Variants in PIP4K2A observed in about 807,000 individuals in gnomAD.
PIP4K2A encodes the protein phosphatidylinositol 5-phosphate 4-kinase type-2 alpha.
In PIP4K2A, 14 loss-of-function variants were observed where a neutral mutation model predicts 42.9. That is an observed-to-expected ratio of 0.33 (90% CI 0.22 to 0.51). PIP4K2A has a LOEUF of 0.51. Ranked by LOEUF, PIP4K2A falls within the 20% of genes least tolerant of loss-of-function variation. The pLI is 0.97. For synonymous variants in PIP4K2A, 192 were observed against 192.2 expected (o/e 1.00, Z 0.01); for missense variants, 434 against 519.8 (o/e 0.83, Z 1.61).
chr10:22,556,871 G>C (rs1836564466), intron 6 of PIP4K2A, among the ~76,000 whole-genome samples: 1 of 152,110 alleles, frequency 6.6e-6, no homozygotes, highest in African/African-American at 2.4e-5. Flanking sequence ...TTAAAGCACA[G>C]CATCACAGGC....
At chr10:22,691,112 C>T (rs779130062) in intron 1 of PIP4K2A, among the ~76,000 whole-genome samples, 8 of 152,164 alleles carry the variant, frequency 5.3e-5, no homozygotes, top group Non-Finnish European at 7.3e-5. Context: ...GAGGTTCAGA[C>T]GGTGTGTGCC....
chr10:22,544,751 A>G (rs1023462957), intron 7 of PIP4K2A, among the ~76,000 whole-genome samples: 5 of 152,186 alleles, frequency 3.3e-5, no homozygotes, highest in African/African-American at 1.2e-4. Flanking sequence ...GGGCACAAAC[A>G]AAACTCACAT....
chr10:22,660,766 A>T (rs1449502372), intron 1 of PIP4K2A, among the ~76,000 whole-genome samples: 1 of 152,154 alleles, frequency 6.6e-6, no homozygotes, highest in Non-Finnish European at 1.5e-5. Context: ...ATCAATAAAT[A>T]ATCAATACAC....
At position 22,536,204 on chromosome 10, in the gene PIP4K2A, T is replaced by C. The variant is rs8341; in HGVS notation, c.*997A>G. The C allele has an allele frequency of 0.68, 269,783 of 398,010 alleles. 92,630 individuals carry two copies. The highest frequency in any genetic ancestry group is 0.83 in the African/African-American group (40,647 of 48,686). 24.7% of individuals were successfully genotyped at this position (398,010 alleles called of 1,614,324 possible). On this transcript the variant is annotated 3_prime_UTR_variant, in exon 10 of 10. Coordinates refer to ENST00000376573, the MANE Select transcript of PIP4K2A (RefSeq NM_005028.5). ...ACATCTTATAATTCAGATCTGCATT[T>C]GGTAACAGGAGAATTGAGAGTTTTG...
At chr10:22,585,743 G>A (rs1191201440) in intron 4 of PIP4K2A, among the ~76,000 whole-genome samples, 1 of 151,950 alleles carries the variant, frequency 6.6e-6, no homozygotes, top group Non-Finnish European at 1.5e-5. Context: ...TGGGACTACA[G>A]GCATACACCC....
chr10:22,642,248 T>C (rs1261817308), intron 1 of PIP4K2A, among the ~76,000 whole-genome samples: 1 of 152,158 alleles, frequency 6.6e-6, no homozygotes, highest in Admixed American at 6.5e-5. Context: ...TAGTCTGAAT[T>C]GGGTTTCTGT....
At chr10:22,691,234 G>T (rs889360183) in intron 1 of PIP4K2A, among the ~76,000 whole-genome samples, 2 of 152,132 alleles carry the variant, frequency 1.3e-5, no homozygotes, top group African/African-American at 2.4e-5. Context: ...AATAGTTCAG[G>T]CCTGCCCTCC....
chr10:22,704,987 C>T (rs950650356), intron 1 of PIP4K2A, among the ~76,000 whole-genome samples: 3 of 152,056 alleles, frequency 2.0e-5, no homozygotes, highest in Admixed American at 1.3e-4. Flanking sequence ...TGTAGACTGA[C>T]GGACCCAGCT....
At chr10:22,678,353 A>G (rs1425329275) in intron 1 of PIP4K2A, among the ~76,000 whole-genome samples, 2 of 152,068 alleles carry the variant, frequency 1.3e-5, no homozygotes, top group East Asian at 1.9e-4. Context: ...GCAGTGCATG[A>G]TAAAGAGAAC....
chr10:22,589,243 A>AT (rs1357779701), intron 4 of PIP4K2A, among the ~76,000 whole-genome samples: 3 of 152,250 alleles, frequency 2.0e-5, no homozygotes, highest in Non-Finnish European at 2.9e-5. Flanking sequence ...AAGAGAATGC[A>AT]TAAGTATGAT....
At chr10:22,561,140 A>T (rs1262162313) in intron 6 of PIP4K2A, among the ~76,000 whole-genome samples, 1 of 152,228 alleles carries the variant, frequency 6.6e-6, no homozygotes, top group Non-Finnish European at 1.5e-5. Context: ...ATGCCCTTCC[A>T]TTAAAAAGGA....
rs1837939906 is a variant in PIP4K2A, at chr10:22,607,908, T to C, written c.339+19A>G. ...AAACCCATTTCCTACTGGAAGCAAATGTTACAAACGCAACTCACCTGGAAA... is the reference window on the plus strand; with the variant it reads ...AAACCCATTTCCTACTGGAAGCAAACGTTACAAACGCAACTCACCTGGAAA... On this transcript the variant is annotated intron_variant, in intron 3 of 9. Transcript: ENST00000376573. 5 of 1,550,922 alleles carry C rather than the reference T, an allele frequency of 3.2e-6. No homozygotes were observed. The highest frequency in any genetic ancestry group is 4.5e-6 in the Non-Finnish European group (5 of 1,123,302).
chr10:22,601,147 AAAAAAAAAAAAAAAAAC>A (rs1358602387), intron 3 of PIP4K2A, among the ~76,000 whole-genome samples: 33 of 140,252 alleles, frequency 2.4e-4, no homozygotes, highest in South Asian at 7.2e-4. Flanking sequence ...AAAAAAAAAA[AAAAAAAAAAAAAAAAAC>A]AAACCAGGAA....
intron 3 of PIP4K2A, among the ~76,000 whole-genome samples, chr10:22,606,450 C>A (rs956861227): frequency 6.6e-6 from 1 of 152,230 alleles, no homozygotes; most frequent in African/African-American, 2.4e-5. Flanking sequence ...AGGGTCTGGA[C>A]CTCCATGTAA....
At chr10:22,623,621 G>A (rs989613246) in intron 1 of PIP4K2A, among the ~76,000 whole-genome samples, 1 of 152,180 alleles carries the variant, frequency 6.6e-6, no homozygotes, top group Non-Finnish European at 1.5e-5. Context: ...GGCAGGGGAC[G>A]TCCGTGCACT....
intron 1 of PIP4K2A, among the ~76,000 whole-genome samples, chr10:22,680,517 C>T (rs563153835): frequency 3.2e-4 from 49 of 152,314 alleles, no homozygotes; most frequent in African/African-American, 1.2e-3. Context: ...TCTTTACTAA[C>T]ATCCTGGATG....
chr10:22,657,662 T>C (rs1839128678), intron 1 of PIP4K2A, among the ~76,000 whole-genome samples: 1 of 152,238 alleles, frequency 6.6e-6, no homozygotes, highest in South Asian at 2.1e-4. Flanking sequence ...TCTGAAAGAA[T>C]ATGCTTCACC....
chr10:22,549,876 A>G (rs763693119), intron 7 of PIP4K2A, among the ~76,000 whole-genome samples: 3 of 112,022 alleles, frequency 2.7e-5, no homozygotes, highest in Non-Finnish European at 5.9e-5. Context: ...AAAAAAAAAG[A>G]AAGGAAAGAA....
rs190255747 is a variant in PIP4K2A at position 22,573,374 on chromosome 10, A to G, written c.576T>C (p.Tyr192=). ...TGAATACATTTCTTGTAACTATCACATATATTTCAACTCCATCAACATTAA... is the reference window on the plus strand; with the variant it reads ...TGAATACATTTCTTGTAACTATCACGTATATTTCAACTCCATCAACATTAA... ...YRLNVDGVEI[Y]VIVTRNVFSH... The change falls in exon 5 of 10, where the codon TAT becomes TAC. Residue 192 remains tyrosine (Y), a synonymous_variant. Transcript: ENST00000376573. 7 of 1,613,550 alleles carry G rather than the reference A, an allele frequency of 4.3e-6. No individual in the cohort carries two copies. In the Admixed American group the frequency reaches 8.3e-5, roughly 19 times the overall value.
Sources: allele counts gnomAD v4.1 joint callset (sites outside exome capture counted in the v4.1 genomes callset), GRCh38; gene constraint gnomAD v4.1.1; transcripts MANE v1.5; gene names NCBI Gene and HGNC (gene_info 2026-07-23, HGNC 2026-07-21).